The following ANTXR2 variants were observed in gnomAD, a reference collection of about 807,000 sequenced individuals.
The protein encoded by ANTXR2 is ANTXR cell adhesion molecule 2, also known as anthrax toxin receptor 2.
In ANTXR2, 44 loss-of-function variants were observed where a neutral mutation model predicts 73.7. The ratio of observed to expected loss-of-function variants is 0.60; its 90% confidence interval spans 0.47 to 0.77. The LOEUF (loss-of-function observed/expected upper bound fraction) is 0.77, where lower values mean the gene tolerates loss of function less well. Ranked by LOEUF, ANTXR2 falls within the 30% of genes least tolerant of loss-of-function variation. The pLI, the probability that ANTXR2 is intolerant of heterozygous loss-of-function variation, is 0.00. For missense variants in ANTXR2, 604 were observed against 592.5 expected (o/e 1.02, Z -0.20); for synonymous variants, 217 against 205.9 (o/e 1.05, Z -0.46).
At chr4:80,071,545 C>G in intron 2 of ANTXR2, 38 bp downstream of exon 2, 2 of 1,538,446 alleles carry the variant, frequency 1.3e-6, no homozygotes, top group Non-Finnish European at 1.8e-6. Flanking sequence ...CTTTGCTCTA[C>G]TTCTCCACTG....
chr4:80,011,063 C>T (rs1200675744), intron 11 of ANTXR2, among the ~76,000 whole-genome samples: 2 of 151,862 alleles, frequency 1.3e-5, no homozygotes, highest in African/African-American at 2.4e-5. Context: ...AGGAGAATGG[C>T]GTGAATCTGG....
chr4:79,916,007 G>A (rs557478960), intron 16 of ANTXR2, among the ~76,000 whole-genome samples: 8 of 151,892 alleles, frequency 5.3e-5, no homozygotes, highest in East Asian at 3.9e-4. Flanking sequence ...TAGAGACCAC[G>A]CACCATATGG....
intron 12 of ANTXR2, among the ~76,000 whole-genome samples, chr4:80,001,342 G>A (rs1390404484): frequency 8.5e-6 from 1 of 117,644 alleles, no homozygotes; most frequent in Non-Finnish European, 1.6e-5. Context: ...ACAGTCCCCA[G>A]AGTGTGATAT....
chr4:79,948,793 G>A (rs192963328), intron 16 of ANTXR2, among the ~76,000 whole-genome samples: 1 of 152,220 alleles, frequency 6.6e-6, no homozygotes, highest in Admixed American at 6.5e-5. Context: ...AGGAGGAGGA[G>A]GAGGAGAAAC....
intron 16 of ANTXR2, among the ~76,000 whole-genome samples, chr4:79,937,751 G>A (rs184360645): frequency 2.1e-4 from 32 of 152,064 alleles, no homozygotes; most frequent in Admixed American, 1.2e-3. Flanking sequence ...GAACAGCTCC[G>A]GTCTACAGCT....
intron 11 of ANTXR2, among the ~76,000 whole-genome samples, chr4:80,011,108 C>T (rs552249180): frequency 5.3e-5 from 8 of 151,408 alleles, no homozygotes; most frequent in Non-Finnish European, 5.9e-5. Flanking sequence ...GATCATGCCA[C>T]GCACTCCAGC....
chr4:79,986,752 G>C (rs1730184245), intron 12 of ANTXR2, among the ~76,000 whole-genome samples: 1 of 152,110 alleles, frequency 6.6e-6, no homozygotes, highest in Non-Finnish European at 1.5e-5. Context: ...CCATCAGAGT[G>C]TTTTGCCAGC....
At chr4:80,030,742 A>G (rs1308672040) in intron 10 of ANTXR2, among the ~76,000 whole-genome samples, 1 of 152,108 alleles carries the variant, frequency 6.6e-6, no homozygotes, top group Non-Finnish European at 1.5e-5. Context: ...TTAGTTTCAT[A>G]GAGGAAAATA....
intron 12 of ANTXR2, among the ~76,000 whole-genome samples, chr4:79,998,179 C>T (rs546568981): frequency 2.0e-5 from 3 of 151,792 alleles, no homozygotes; most frequent in African/African-American, 4.8e-5. Flanking sequence ...ATCATCATCG[C>T]GTGAGATCAA....
chr4:79,926,913 A>T (rs1185858061), intron 16 of ANTXR2, among the ~76,000 whole-genome samples: 1 of 107,460 alleles, frequency 9.3e-6, no homozygotes, highest in East Asian at 7.1e-4. Context: ...ATGTGTGCAT[A>T]TATGTGTATA....
chr4:79,930,004 G>T (rs555662424), intron 16 of ANTXR2, among the ~76,000 whole-genome samples: 67 of 152,270 alleles, frequency 4.4e-4, no homozygotes, highest in Non-Finnish European at 8.4e-4. Flanking sequence ...GATGCTCAGA[G>T]TGGGCAAGTC....
At chr4:79,959,044 T>C (rs1729042686) in intron 16 of ANTXR2, among the ~76,000 whole-genome samples, 2 of 151,664 alleles carry the variant, frequency 1.3e-5, no homozygotes, top group African/African-American at 2.4e-5. Flanking sequence ...TTTTAAAAAA[T>C]GAAAAAAATG....
chr4:80,028,866 A>G (rs1732557887), intron 10 of ANTXR2, among the ~76,000 whole-genome samples: 1 of 152,156 alleles, frequency 6.6e-6, no homozygotes, highest in African/African-American at 2.4e-5. Flanking sequence ...GGAAAGGTCC[A>G]AATTACTTGC....
Position 79,948,299 on chromosome 4 carries a change from G to T in ANTXR2, c.1428+29322C>A, listed in dbSNP as rs76718501. On this transcript the variant is annotated intron_variant, in intron 16 of 16. Transcript: ENST00000403729. ...AAAATGCTGTTAAAAAGAGACTCAGGTTATATAACTCAATCAAAACCAATA... is the reference window on the plus strand; with the variant it reads ...AAAATGCTGTTAAAAAGAGACTCAGTTTATATAACTCAATCAAAACCAATA... Among the ~76,000 whole-genome samples, 846 of 152,174 alleles carry T rather than the reference G, an allele frequency of 5.6e-3. 13 individuals are homozygous for T. Among genetic ancestry groups the T allele is most frequent in the African/African-American group, 0.019 (788 of 41,532 alleles).
At chr4:80,013,609 C>A (rs1216856335) in intron 11 of ANTXR2, among the ~76,000 whole-genome samples, 1 of 152,200 alleles carries the variant, frequency 6.6e-6, no homozygotes, top group Non-Finnish European at 1.5e-5. Flanking sequence ...CTGCATTTCA[C>A]CTGTTCACCA....
At chr4:79,928,281 C>T (rs1727904702) in intron 16 of ANTXR2, among the ~76,000 whole-genome samples, 1 of 152,036 alleles carries the variant, frequency 6.6e-6, no homozygotes, top group African/African-American at 2.4e-5. Context: ...TGTATGATCC[C>T]ACTTATATGT....
At chr4:80,030,306 T>C (rs538727375) in intron 10 of ANTXR2, among the ~76,000 whole-genome samples, 24 of 152,100 alleles carry the variant, frequency 1.6e-4, no homozygotes, top group Non-Finnish European at 3.2e-4. Context: ...GGAGATAGAT[T>C]GGGGGAATAT....
At chr4:80,035,534 C>T (rs897384834) in intron 8 of ANTXR2, among the ~76,000 whole-genome samples, 1 of 152,102 alleles carries the variant, frequency 6.6e-6, no homozygotes, top group Admixed American at 6.6e-5. Flanking sequence ...ATAAAGCCAC[C>T]TGCTTCCTTC....
intron 16 of ANTXR2, among the ~76,000 whole-genome samples, chr4:79,908,647 T>C (rs531420364): frequency 2.2e-4 from 33 of 152,184 alleles, no homozygotes; most frequent in South Asian, 8.3e-4. Flanking sequence ...ACATTATTAC[T>C]ACAATTGCCA....
Sources: gnomAD v4.1 joint callset for allele counts (sites outside exome capture counted in the v4.1 genomes callset) on GRCh38, gnomAD v4.1.1 for gene constraint, MANE v1.5 for transcripts, NCBI Gene and HGNC (gene_info 2026-07-23, HGNC 2026-07-21) for gene names.